Variants in PRDM7 observed in about 807,000 individuals in gnomAD.
PRDM7 encodes histone-lysine N-methyltransferase PRDM7.
PRDM7 carries 52 observed loss-of-function variants against 64.3 expected under a neutral mutation model. The observed-to-expected ratio is 0.81, with a 90% CI of 0.65 to 1.02. The LOEUF (loss-of-function observed/expected upper bound fraction) is 1.02, where lower values mean the gene tolerates loss of function less well. Among genes scored for constraint, PRDM7 ranks in the 50% least tolerant of loss-of-function variants. The pLI, the probability that PRDM7 is intolerant of heterozygous loss-of-function variation, is 0.00. For missense variants in PRDM7, 574 were observed against 597.1 expected, an observed-to-expected ratio of 0.96 and a Z score of 0.40; for synonymous variants, 192 against 210.1, an observed-to-expected ratio of 0.91 and a Z score of 0.74.
At position 90,066,908 on chromosome 16, in the gene PRDM7, T is replaced by C; in HGVS notation, c.304A>G (p.Lys102Glu). 2 of 1,595,250 alleles carry C rather than the reference T, an allele frequency of 1.3e-6. No homozygotes were observed. Among genetic ancestry groups the C allele is most frequent in the Non-Finnish European group, 1.7e-6 (2 of 1,165,384 alleles). ...DEEWTPRQQV[K>E]PPWMAFRGEQ... Reference sequence around the variant, plus strand: ...CCTCTGAAGGCCATCCAAGGAGGTTTGACTAAGAGGTGATGAGAAATCAGT... The same window carrying C: ...CCTCTGAAGGCCATCCAAGGAGGTTCGACTAAGAGGTGATGAGAAATCAGT... Residue 102 changes from lysine to glutamate, a missense_variant and splice_region_variant, in exon 5 of 11, where the codon AAA becomes GAA. Lys to Glu is a moderately conservative substitution (Grantham distance 56). Transcript: ENST00000449207.
intron 5 of PRDM7, 133 bp downstream of exon 5, chr16:90,066,727 TG>T (rs1200584655): frequency 1.4e-6 from 1 of 725,936 alleles, no homozygotes; most frequent in African/African-American, 1.8e-5. Flanking sequence ...ATAATGATGA[TG>T]GCAGACACTG....
rs114977761 is a variant in PRDM7 at position 90,073,934 on chromosome 16, C to T, written c.301+982G>A. Among the ~76,000 whole-genome samples, 566 of 152,008 alleles carry T rather than the reference C, an allele frequency of 3.7e-3. 2 individuals carry two copies. Among genetic ancestry groups the T allele is most frequent in the African/African-American group, 0.013 (547 of 41,490 alleles). On this transcript the variant is annotated intron_variant, in intron 4 of 10. Transcript: ENST00000449207. ...AGTAGCTGGGATTATAAGCACCCAT[C>T]ACCATGCCCAGCTATCTTTTTTGGC... is the stretch of plus-strand genomic sequence containing the variant.
chr16:90,061,748 A>G (rs910492401), intron 8 of PRDM7, among the ~76,000 whole-genome samples, 173 bp downstream of exon 8: 8 of 152,206 alleles, frequency 5.3e-5, no homozygotes, highest in Middle Eastern at 3.2e-3. Flanking sequence ...CTCTGCTCCC[A>G]TGTACCCTGT....
At position 90,058,365 on chromosome 16, in the gene PRDM7, C is replaced by T; in HGVS notation, c.1403G>A (p.Ser468Asn). The change falls in exon 11 of 11, where the codon AGC (serine) becomes AAC (asparagine). Residue 468 changes from serine to asparagine, a missense_variant. Transcript: ENST00000449207. ...AGCAGCGTGGATCAGAATATTGCCGCTCCTGATTCTGATCCCCTGGGCAGG... is the reference window on the plus strand; with the variant it reads ...AGCAGCGTGGATCAGAATATTGCCGTTCCTGATTCTGATCCCCTGGGCAGG... ...RIPAQGIRIR[S>N]GNILIHAAVM... 3 of 1,614,200 alleles carry T rather than the reference C, an allele frequency of 1.9e-6. No individual in the cohort carries two copies. Among genetic ancestry groups the T allele is most frequent in the South Asian group, 1.1e-5 (1 of 91,082 alleles).
Position 90,057,890 on chromosome 16 carries a change from A to G in PRDM7, c.*399T>C. ...GTCTCCCCTGTGTGTCCTCTGGTGA[A>G]TGAGGAGGACTGACTTCCGGCTAAA... On this transcript the variant is annotated 3_prime_UTR_variant, in exon 11 of 11. Coordinates refer to ENST00000449207, the MANE Select transcript of PRDM7 (RefSeq NM_001098173.2). 6.6e-7 allele frequency: 1 copy of G among 1,524,290 alleles called. No individual in the cohort carries two copies. The highest frequency in any genetic ancestry group is 8.9e-7 in the Non-Finnish European group (1 of 1,117,320). 94.4% of individuals were successfully genotyped at this position (1,524,290 alleles called of 1,614,324 possible). A position where few individuals can be genotyped will look rare whatever the true frequency, so the allele number is the denominator to read the frequency against.
At chr16:90,069,398 G>C (rs1171327822) in intron 4 of PRDM7, among the ~76,000 whole-genome samples, 4 of 151,264 alleles carry the variant, frequency 2.6e-5, no homozygotes, top group Admixed American at 6.6e-5. Context: ...TATAAGTACA[G>C]AACTTCAAGA....
chr16:90,074,986 T>A lies in PRDM7; in HGVS notation c.231A>T (p.Arg77=), dbSNP rs1205622184. 6.2e-7 allele frequency: 1 copy of A among 1,614,032 alleles called. No homozygotes were observed. Among genetic ancestry groups the A allele is most frequent in the Admixed American group, 1.7e-5 (1 of 60,000 alleles). ...RATRPAFMCH[R]RQAIKLQVDD... ...CCACCTGGAGTTTGATGGCCTGCCT[T>A]CGGTGACACATGAAAGCTGGTCGAG... The change falls in exon 4 of 11, where the codon CGA becomes CGT. Residue 77 remains arginine (R), a synonymous_variant. Transcript: ENST00000449207.
chr16:90,074,322 A>ATCC (rs1555657885), intron 4 of PRDM7, among the ~76,000 whole-genome samples: 212 of 142,972 alleles, frequency 1.5e-3, no homozygotes, highest in African/African-American at 5.3e-3. Flanking sequence ...CATCATCATC[A>ATCC]TCCCAGCATT....
intron 4 of PRDM7, chr16:90,070,069 AAAAAC>A (rs2037934779): frequency 6.5e-6 from 1 of 154,620 alleles, no homozygotes; most frequent in African/African-American, 2.5e-5. Flanking sequence ...AAAAAAAACA[AAAAAC>A]AAAAAAACGA....
chr16:90,060,296 ATTCT>A lies in PRDM7; in HGVS notation c.1233+41_1233+44del, dbSNP rs1361252218. On this transcript the variant is annotated intron_variant, in intron 10 of 10. Coordinates refer to ENST00000449207, the MANE Select transcript of PRDM7 (RefSeq NM_001098173.2). ...TCAATCATGAAAATTCTCTAGGATA[ATTCT>A]TTCTTTCCTGTCCTTTTAAAAGAGT... is the stretch of plus-strand genomic sequence containing the variant. The A allele has an allele frequency of 2.5e-6, 4 of 1,613,278 alleles. No homozygotes were observed. The African/African-American group carries it at 4.0e-5, about 16-fold the overall frequency.
In PRDM7 at chr16:90,063,833, C is replaced by CGG. The variant is rs2037825594; in HGVS notation, c.352-66_352-65insCC. ...TTATTTAGTTCTTTACGGCTTGCAA[C>CGG]ATGTTTTCATATGACTGTAGTTAAT... On this transcript the variant is annotated intron_variant, in intron 5 of 10. Coordinates refer to ENST00000449207, the MANE Select transcript of PRDM7 (RefSeq NM_001098173.2). 1.2e-5 allele frequency: 19 copies of CGG among 1,564,872 alleles called. No homozygotes were observed. In the Admixed American group the frequency reaches 3.4e-4, roughly 28 times the overall value.
At position 90,060,505 on chromosome 16, in the gene PRDM7, A is replaced by T; in HGVS notation, c.1069T>A (p.Ser357Thr). ...AGTTCCTGGCCATACTCATCCCCAG[A>T]CCAGACCAGCAGTTCACAGCCTGGC... ...IRPGCELLVW[S>T]GDEYGQELGI... The change falls in exon 10 of 11, where the codon TCT becomes ACT. Residue 357 changes from serine (S) to threonine (T), a missense_variant. Coordinates refer to ENST00000449207, the MANE Select transcript of PRDM7 (RefSeq NM_001098173.2). 1.9e-6 allele frequency: 3 copies of T among 1,613,706 alleles called. No individual in the cohort carries two copies. The highest frequency in any genetic ancestry group is 1.3e-5 in the African/African-American group (1 of 74,886).
In PRDM7 at chr16:90,057,795, T is replaced by G; in HGVS notation, c.*494A>C. On this transcript the variant is annotated 3_prime_UTR_variant, in exon 11 of 11. Transcript: ENST00000449207. ...TGTGCAAGTGTGTGGTGATCACGTT[T>G]GTCTTCTTGTGGCTATTGAGATAAG... 1.5e-6 allele frequency: 2 copies of G among 1,370,954 alleles called. No individual in the cohort carries two copies. The highest frequency in any genetic ancestry group is 1.9e-6 in the Non-Finnish European group (2 of 1,031,374). The allele number at this position is 1,370,954 out of a possible 1,614,324, so 84.9% of individuals were successfully genotyped here. A position where few individuals can be genotyped will look rare whatever the true frequency, so the allele number is the denominator to read the frequency against.
intron 1 of PRDM7, among the ~76,000 whole-genome samples, chr16:90,076,654 T>C (rs1336363369): frequency 6.6e-6 from 1 of 151,994 alleles, no homozygotes; most frequent in Non-Finnish European, 1.5e-5. Context: ...AGGATGAGAT[T>C]AGGGGTCTTT....
intron 1 of PRDM7, among the ~76,000 whole-genome samples, chr16:90,076,531 A>ATTT (rs143949853): frequency 6.6e-6 from 1 of 151,480 alleles, no homozygotes; most frequent in African/African-American, 2.4e-5. Context: ...GGCTGAGGGG[A>ATTT]TTTGAGATGT....
At chr16:90,060,739 T>C in intron 9 of PRDM7, 116 bp from the exon 10 acceptor site, 1 of 1,465,056 alleles carries the variant, frequency 6.8e-7, no homozygotes, top group Non-Finnish European at 9.5e-7. Flanking sequence ...CAGCCATTTT[T>C]TCAAAGCCCA....
chr16:90,062,297 A>T, intron 7 of PRDM7, 104 bp downstream of exon 7: 2 of 1,613,652 alleles, frequency 1.2e-6, no homozygotes, highest in South Asian at 2.2e-5. Flanking sequence ...CCAATCCTGT[A>T]CTTTAATTCA....
chr16:90,057,248 G>A lies in PRDM7; in HGVS notation c.*1041C>T, dbSNP rs2037700054. On this transcript the variant is annotated 3_prime_UTR_variant, in exon 11 of 11. Transcript: ENST00000449207. The stretch of plus-strand genomic sequence containing the variant: ...AGGAGACAGGGGGAGCCAAGGGGGA[G>A]TATGGCAGCAGAGGAGAGGGGTCCA... 6.5e-6 allele frequency: 1 copy of A among 154,208 alleles called. No homozygotes were observed. The highest frequency in any genetic ancestry group is 1.4e-5 in the Non-Finnish European group (1 of 69,522). The allele number at this position is 154,208 out of a possible 1,614,324, so 9.6% of individuals were successfully genotyped here.
At chr16:90,060,136 A>G (rs189622859) in intron 10 of PRDM7, among the ~76,000 whole-genome samples, 1 of 152,352 alleles carries the variant, frequency 6.6e-6, no homozygotes, top group Admixed American at 6.5e-5. Flanking sequence ...CTTTGAATAT[A>G]AAATCGGAAC....
Sources: gnomAD v4.1 joint callset for allele counts (sites outside exome capture counted in the v4.1 genomes callset) on GRCh38, gnomAD v4.1.1 for gene constraint, MANE v1.5 for transcripts, NCBI Gene and HGNC (gene_info 2026-07-23, HGNC 2026-07-21) for gene names.